Variants in GSDMC observed in about 807,000 individuals in gnomAD.
The protein encoded by GSDMC is gasdermin C.
A neutral mutation model predicts 58.0 loss-of-function variants in GSDMC; 59 were observed. The ratio of observed to expected loss-of-function variants is 1.02; its 90% CI spans 0.82 to 1.26. The LOEUF (loss-of-function observed/expected upper bound fraction) is 1.26. Ranked by LOEUF, GSDMC falls within the 50% of genes most tolerant of loss-of-function variation. GSDMC has a pLI of 0.00. For synonymous variants in GSDMC, 241 were observed against 220.2 expected, an observed-to-expected ratio of 1.09 and a Z score of -0.83; for missense variants, 659 against 598.5, an observed-to-expected ratio of 1.10 and a Z score of -1.06.
At chr8:129,746,849 A>C (rs555206881), downstream of GSDMC, among the ~76,000 whole-genome samples, 126 of 152,318 alleles carry the variant, frequency 8.3e-4, no homozygotes, top group Middle Eastern at 3.4e-3. Flanking sequence ...GCAAGAGGCA[A>C]AGTTTCTCAA....
At chr8:129,781,128 G>A (rs900873447) in intron 1 of GSDMC, among the ~76,000 whole-genome samples, 4 of 151,844 alleles carry the variant, frequency 2.6e-5, no homozygotes, top group Non-Finnish European at 5.9e-5. Context: ...AGAAACAGAA[G>A]ATCACAAAAC....
intron 13 of GSDMC, among the ~76,000 whole-genome samples, chr8:129,749,167 C>A (rs377031968): frequency 6.6e-6 from 1 of 151,936 alleles, no homozygotes; most frequent in Non-Finnish European, 1.5e-5. Flanking sequence ...ATATTATATC[C>A]CCTTAGACCT....
the GSDMC span, among the ~76,000 whole-genome samples, chr8:129,709,173 CTTT>C: frequency 1.4e-5 from 2 of 147,804 alleles, no homozygotes; most frequent in African/African-American, 4.9e-5. Flanking sequence ...ATTCCCCCTT[CTTT>C]TTTTTTTTTT....
chr8:129,749,990 C>T lies in GSDMC; in HGVS notation c.1213G>A (p.Val405Met). 6.3e-7 allele frequency: 1 copy of T among 1,590,642 alleles called. No homozygotes were observed. The highest frequency in any genetic ancestry group is 8.5e-7 in the Non-Finnish European group (1 of 1,172,948). Reference protein sequence around the residue: ...PILYLLEAIMVLSDFQHDLLA... With the variant: ...PILYLLEAIMMLSDFQHDLLA... ...CATTCTTCCCTTTAATTACTCTTAC[C>T]CATTATGGCTTCAAGGAGATAAAGA... The change falls in exon 12 of 14, where the codon GTG becomes ATG. Residue 405 changes from valine (V) to methionine (M), a missense_variant and splice_region_variant. Val to Met is a conservative substitution (Grantham distance 21). Transcript: ENST00000276708.
chr8:129,719,702 T>C, the GSDMC span, among the ~76,000 whole-genome samples: 1 of 152,108 alleles, frequency 6.6e-6, no homozygotes, highest in East Asian at 1.9e-4. Flanking sequence ...TCCAAAACTT[T>C]GGGAGGCTGA....
intron 5 of GSDMC, among the ~76,000 whole-genome samples, chr8:129,761,645 T>C (rs1586592459): frequency 6.6e-6 from 1 of 152,336 alleles, no homozygotes; most frequent in Non-Finnish European, 1.5e-5. Flanking sequence ...AATCATCTTA[T>C]CATTCACCAT....
intron 6 of GSDMC, among the ~76,000 whole-genome samples, chr8:129,754,690 A>G (rs1397590537): frequency 6.6e-6 from 1 of 152,214 alleles, no homozygotes; most frequent in African/African-American, 2.4e-5. Context: ...AGTATTTTGA[A>G]GAAACTCAAA....
chr8:129,749,609 A>G (rs900550195), intron 12 of GSDMC, 84 bp from the exon 13 acceptor site: 14 of 972,222 alleles, frequency 1.4e-5, no homozygotes, highest in Non-Finnish European at 2.0e-5. Context: ...ACCCCCTGAG[A>G]GAATAACTCC....
At chr8:129,740,403 C>T in the GSDMC span, among the ~76,000 whole-genome samples, 3 of 152,072 alleles carry the variant, frequency 2.0e-5, no homozygotes, top group Non-Finnish European at 4.4e-5. Context: ...CTGCAAGTTC[C>T]GTTCATGGTA....
chr8:129,705,692 C>T, the GSDMC span: 20 of 152,074 alleles, frequency 1.3e-4, no homozygotes, highest in African/African-American at 4.1e-4. Flanking sequence ...ATTATGGGAA[C>T]TATAATTCAA....
intron 3 of GSDMC, among the ~76,000 whole-genome samples, chr8:129,767,029 A>G (rs2033885770): frequency 6.6e-6 from 1 of 152,184 alleles, no homozygotes. Context: ...CCAGCCAGCA[A>G]CTTGCCTGCC....
At chr8:129,745,017 A>C (rs951987633), downstream of GSDMC, among the ~76,000 whole-genome samples, 1 of 152,184 alleles carries the variant, frequency 6.6e-6, no homozygotes, top group Non-Finnish European at 1.5e-5. Flanking sequence ...CCTATAAGGG[A>C]TAATGGGTTG....
intron 7 of GSDMC, among the ~76,000 whole-genome samples, 165 bp downstream of exon 7, chr8:129,752,533 G>T (rs539406226): frequency 6.6e-6 from 1 of 152,312 alleles, no homozygotes; most frequent in South Asian, 2.1e-4. Flanking sequence ...GATCAGCAGT[G>T]CCTAAGTTCT....
chr8:129,736,499 A>T, the GSDMC span, among the ~76,000 whole-genome samples: 1 of 152,210 alleles, frequency 6.6e-6, no homozygotes, highest in South Asian at 2.1e-4. Flanking sequence ...CAAATCAATA[A>T]ACGTAATCCA....
intron 1 of GSDMC, among the ~76,000 whole-genome samples, chr8:129,780,678 T>G (rs146084594): frequency 0.014 from 2,171 of 152,266 alleles, 61 homozygotes; most frequent in African/African-American, 0.049. Flanking sequence ...ATGATGTTAA[T>G]GAGCAAGAAG....
the GSDMC span, among the ~76,000 whole-genome samples, chr8:129,738,013 G>A: frequency 6.6e-6 from 1 of 152,168 alleles, no homozygotes; most frequent in Non-Finnish European, 1.5e-5. Context: ...GATATGAACA[G>A]AAACTTCTCA....
At position 129,748,429 on chromosome 8, in the gene GSDMC, C is replaced by T; in HGVS notation, c.*72G>A. 4 of 1,472,110 alleles carry T rather than the reference C, an allele frequency of 2.7e-6. No individual in the cohort carries two copies. In the South Asian group the frequency reaches 4.2e-5, roughly 15 times the overall value. The allele number at this position is 1,472,110 out of a possible 1,614,324, so 91.2% of individuals were successfully genotyped here. ...GAGAGGCACAGCCCTATCTCTTGCA[C>T]CCATAAGGACACTCACAGCATAGAC... On this transcript the variant is annotated 3_prime_UTR_variant, in exon 14 of 14. Coordinates refer to ENST00000276708, the MANE Select transcript of GSDMC (RefSeq NM_031415.3).
the GSDMC span, chr8:129,707,137 G>C: frequency 6.6e-6 from 1 of 151,812 alleles, no homozygotes; most frequent in Non-Finnish European, 1.5e-5. Context: ...GAAGGATGAA[G>C]TGATCAGATG....
intron 6 of GSDMC, 25 bp downstream of exon 6, chr8:129,760,520 A>T (rs1379369420): frequency 5.4e-6 from 8 of 1,482,082 alleles, no homozygotes; most frequent in Non-Finnish European, 7.5e-6. Flanking sequence ...ATAAAAAAAT[A>T]AAAAGACCAG....
Sources: gnomAD v4.1 joint callset for allele counts (sites outside exome capture counted in the v4.1 genomes callset) on GRCh38, gnomAD v4.1.1 for gene constraint, MANE v1.5 for transcripts, NCBI Gene and HGNC (gene_info 2026-07-23, HGNC 2026-07-21) for gene names.